Variants in NR3C2 observed in about 807,000 individuals in gnomAD.
NR3C2 encodes the protein mineralocorticoid receptor.
Under a neutral mutation model 86.4 loss-of-function variants are expected in NR3C2, and 15 were observed. The observed-to-expected ratio is 0.17, with a 90% CI of 0.12 to 0.27. NR3C2 has a LOEUF of 0.27. NR3C2 is among the 10% of genes least tolerant of loss of function. NR3C2 has a pLI of 1.00. For missense variants in NR3C2, 960 were observed against 1,195.6 expected, an observed-to-expected ratio of 0.80 and a Z score of 2.91; for synonymous variants, 458 against 450.5, an observed-to-expected ratio of 1.02 and a Z score of -0.21.
Position 148,179,336 on chromosome 4 carries a change from T to G in NR3C2, c.2014+15410A>C, listed in dbSNP as rs574987314. On this transcript the variant is annotated intron_variant, in intron 4 of 8. Transcript: ENST00000358102. ...CCTATGCCCAAAAAGTCTGAAATGC[T>G]AAGCTCTCAGGCCCTTTAAGGAAGG... is the stretch of plus-strand genomic sequence containing the variant. 1.4e-4 allele frequency among the ~76,000 whole-genome samples: 21 copies of G among 151,624 alleles called. No homozygotes were observed. The East Asian group carries it at 4.1e-3, about 29-fold the overall frequency.
At chr4:148,212,511 G>A (rs530193513) in intron 3 of NR3C2, among the ~76,000 whole-genome samples, 1 of 152,294 alleles carries the variant, frequency 6.6e-6, no homozygotes, top group East Asian at 1.9e-4. Context: ...TGTGACCCTG[G>A]AATTTACTCC....
intron 8 of NR3C2, among the ~76,000 whole-genome samples, chr4:148,087,942 T>C (rs1037534640): frequency 2.0e-5 from 3 of 152,092 alleles, no homozygotes; most frequent in Non-Finnish European, 4.4e-5. Context: ...ACCTACAGAA[T>C]GGGAGAAAAT....
intron 2 of NR3C2, among the ~76,000 whole-genome samples, chr4:148,426,106 T>G (rs1466927606): frequency 6.6e-6 from 1 of 152,204 alleles, no homozygotes; most frequent in Admixed American, 6.5e-5. Context: ...GCCATTTCTT[T>G]GCGCTACCAT....
Position 148,254,549 on chromosome 4 carries a change from C to T in NR3C2, c.1897+5429G>A, listed in dbSNP as rs544957999. On this transcript the variant is annotated intron_variant, in intron 3 of 8. Transcript: ENST00000358102. ...AACAACCAACTGAAGGGATATCACA[C>T]ATCTGGGCAAACATTTGCCATTAGC... Among the ~76,000 whole-genome samples the T allele has an allele frequency of 3.3e-5, 5 of 152,276 alleles. No homozygotes were observed. The East Asian group carries it at 9.7e-4, about 29-fold the overall frequency.
chr4:148,138,264 T>C (rs1277465002), intron 6 of NR3C2, among the ~76,000 whole-genome samples: 1 of 152,224 alleles, frequency 6.6e-6, no homozygotes, highest in African/African-American at 2.4e-5. Context: ...ACTGTCATGA[T>C]ATCAGAAAGG....
chr4:148,400,796 A>C (rs1218291327), intron 2 of NR3C2, among the ~76,000 whole-genome samples: 1 of 151,738 alleles, frequency 6.6e-6, no homozygotes. Flanking sequence ...AAAAAAAAAA[A>C]AAAAAAAGAG....
intron 2 of NR3C2, chr4:148,368,606 T>C (rs899511820): frequency 6.6e-6 from 1 of 152,106 alleles, no homozygotes; most frequent in African/African-American, 2.4e-5. Context: ...GCATGCACAA[T>C]AGGCGTCTGG....
At chr4:148,188,927 G>GTTT (rs770094656) in intron 4 of NR3C2, among the ~76,000 whole-genome samples, 1,874 of 127,274 alleles carry the variant, frequency 0.015, 65 homozygotes, top group African/African-American at 0.049. Context: ...ATTTTGCTGA[G>GTTT]TTTTTTTTTT....
At chr4:148,381,747 T>C (rs1372801579) in intron 2 of NR3C2, among the ~76,000 whole-genome samples, 1 of 152,220 alleles carries the variant, frequency 6.6e-6, no homozygotes, top group Non-Finnish European at 1.5e-5. Context: ...CAGGGTATGC[T>C]CACTTTATCA....
At chr4:148,258,114 G>T (rs763634506) in intron 3 of NR3C2, among the ~76,000 whole-genome samples, 1 of 152,188 alleles carries the variant, frequency 6.6e-6, no homozygotes, top group Non-Finnish European at 1.5e-5. Context: ...CCAAAATGTG[G>T]GTTCTGACAT....
intron 6 of NR3C2, among the ~76,000 whole-genome samples, chr4:148,125,599 G>T (rs368452228): frequency 8.6e-5 from 13 of 151,908 alleles, no homozygotes; most frequent in African/African-American, 3.1e-4. Flanking sequence ...TTTTTTAAAT[G>T]CAGAATTTCT....
chr4:148,308,184 C>T (rs371870323), intron 2 of NR3C2, among the ~76,000 whole-genome samples: 7 of 152,210 alleles, frequency 4.6e-5, no homozygotes, highest in African/African-American at 1.7e-4. Flanking sequence ...GTAACATCTA[C>T]GGATCTGTGG....
intron 3 of NR3C2, among the ~76,000 whole-genome samples, chr4:148,207,815 C>T (rs1737079321): frequency 6.6e-6 from 1 of 152,288 alleles, no homozygotes; most frequent in African/African-American, 2.4e-5. Context: ...TCTATATATA[C>T]TGTGTTTTCC....
chr4:148,085,140 C>A (rs765503326), intron 8 of NR3C2, among the ~76,000 whole-genome samples: 1 of 152,144 alleles, frequency 6.6e-6, no homozygotes, highest in Non-Finnish European at 1.5e-5. Context: ...CAGCTCTGGA[C>A]CAAGCAGACC....
intron 7 of NR3C2, among the ~76,000 whole-genome samples, chr4:148,119,025 A>T (rs562605009): frequency 1.3e-5 from 2 of 152,116 alleles, no homozygotes; most frequent in Admixed American, 6.5e-5. Context: ...AGAGACCCTT[A>T]TAAAGCCATA....
intron 6 of NR3C2, among the ~76,000 whole-genome samples, chr4:148,150,244 G>A (rs982356653): frequency 6.6e-6 from 1 of 152,114 alleles, no homozygotes; most frequent in South Asian, 2.1e-4. Context: ...TCCTCCTAGG[G>A]GAAGTTTGGG....
rs78322443 is a variant in NR3C2, at chr4:148,117,771, G to C, written c.2641+2387C>G. ...TGCTGGAAACAACAGCTCTTCATAC[G>C]CATTCGGAAATCCTGAGCCCCTTGG... is the stretch of plus-strand genomic sequence containing the variant. On this transcript the variant is annotated intron_variant, in intron 7 of 8. Transcript: ENST00000358102. 6.3e-3 allele frequency among the ~76,000 whole-genome samples: 955 copies of C among 152,188 alleles called. 16 individuals are homozygous for C. The highest frequency in any genetic ancestry group is 0.021 in the African/African-American group (890 of 41,524).
intron 4 of NR3C2, among the ~76,000 whole-genome samples, chr4:148,168,864 G>A (rs1734996268): frequency 6.6e-6 from 1 of 152,058 alleles, no homozygotes; most frequent in African/African-American, 2.4e-5. Context: ...ACCTGTGTGG[G>A]ATGTGCCTAT....
chr4:148,253,267 G>C (rs918313930), intron 3 of NR3C2, among the ~76,000 whole-genome samples: 10 of 152,114 alleles, frequency 6.6e-5, no homozygotes, highest in African/African-American at 2.4e-4. Flanking sequence ...TATCATGTTT[G>C]GTTTGGGGCT....
Sources: allele counts gnomAD v4.1 joint callset (sites outside exome capture counted in the v4.1 genomes callset), GRCh38; gene constraint gnomAD v4.1.1; transcripts MANE v1.5; gene names NCBI Gene and HGNC (gene_info 2026-07-23, HGNC 2026-07-21).